Variants in MTAP observed in about 807,000 individuals in gnomAD.
The protein encoded by MTAP is methylthioadenosine phosphorylase, also known as S-methyl-5'-thioadenosine phosphorylase.
In MTAP, 33 loss-of-function variants were observed where a neutral mutation model predicts 33.6. The ratio of observed to expected loss-of-function variants is 0.98; its 90% CI spans 0.74 to 1.31. The LOEUF is 1.31. MTAP is among the 40% of genes most tolerant of loss of function. The pLI is 0.00. For synonymous variants in MTAP, 148 were observed against 125.7 expected, an observed-to-expected ratio of 1.18 and a Z score of -1.19; for missense variants, 367 against 360.0, an observed-to-expected ratio of 1.02 and a Z score of -0.16.
rs184320931 is a variant in MTAP at position 21,846,067 on chromosome 9, G to A, written c.450+8057G>A. 4.7e-4 allele frequency among the ~76,000 whole-genome samples: 71 copies of A among 152,188 alleles called. 1 individual carries two copies. The highest frequency in any genetic ancestry group is 9.1e-4 in the Non-Finnish European group (62 of 68,020). On this transcript the variant is annotated intron_variant, in intron 5 of 7. Coordinates refer to ENST00000644715, the MANE Select transcript of MTAP (RefSeq NM_002451.4). ...CAGGATAATTGGCAAGCCAGATGTA[G>A]AAGAATGAAACTGGATCTTCATCTC...
downstream of MTAP, chr9:21,941,109 C>G (rs976225839): frequency 6.4e-6 from 4 of 622,970 alleles, 1 homozygote; most frequent in Middle Eastern, 8.2e-4. Flanking sequence ...TTAAAATGTA[C>G]CAGTTATGCA....
intron 1 of MTAP, among the ~76,000 whole-genome samples, chr9:21,805,474 A>G (rs1262319364): frequency 6.6e-6 from 1 of 152,232 alleles, no homozygotes; most frequent in Non-Finnish European, 1.5e-5. Flanking sequence ...GTGAAACAGC[A>G]GTAAGATTCC....
At chr9:21,811,269 A>T (rs1308694283) in intron 1 of MTAP, among the ~76,000 whole-genome samples, 2 of 152,180 alleles carry the variant, frequency 1.3e-5, no homozygotes, top group Non-Finnish European at 2.9e-5. Context: ...GGGACAAAGA[A>T]GGGTTGGTAA....
intron 1 of MTAP, among the ~76,000 whole-genome samples, chr9:21,894,413 G>A (rs1818254492): frequency 6.6e-6 from 1 of 151,806 alleles, no homozygotes; most frequent in Non-Finnish European, 1.5e-5. Context: ...GAGCAATAAG[G>A]CAAGTGAAAG....
intron 5 of MTAP, among the ~76,000 whole-genome samples, chr9:21,844,975 G>A (rs1325552718): frequency 6.7e-6 from 1 of 150,294 alleles, no homozygotes; most frequent in Non-Finnish European, 1.5e-5. Flanking sequence ...AGCTTGCAGT[G>A]AGCTGAGATC....
intron 1 of MTAP, among the ~76,000 whole-genome samples, chr9:21,873,116 A>G (rs919203816): frequency 2.6e-5 from 4 of 152,202 alleles, no homozygotes; most frequent in Non-Finnish European, 5.9e-5. Context: ...AATAAAATTG[A>G]AAAAGTACCT....
chr9:21,830,073 A>G (rs1001936852), intron 4 of MTAP, among the ~76,000 whole-genome samples: 6 of 152,212 alleles, frequency 3.9e-5, no homozygotes, highest in Non-Finnish European at 8.8e-5. Context: ...ATGTGCAGTC[A>G]GTCTTTGTGT....
intron 1 of MTAP, among the ~76,000 whole-genome samples, chr9:21,917,624 C>T (rs2131027372): frequency 6.6e-6 from 1 of 152,286 alleles, no homozygotes; most frequent in African/African-American, 2.4e-5. Context: ...GCAAAGGGAA[C>T]ATCTTTACAT....
At chr9:21,844,292 C>A (rs530117217) in intron 5 of MTAP, among the ~76,000 whole-genome samples, 6 of 152,132 alleles carry the variant, frequency 3.9e-5, no homozygotes, top group Non-Finnish European at 8.8e-5. Flanking sequence ...CAGCTGAATT[C>A]TATCAGACAT....
intron 1 of MTAP, among the ~76,000 whole-genome samples, chr9:21,813,574 C>T (rs530519470): frequency 6.6e-6 from 1 of 152,194 alleles, no homozygotes; most frequent in Non-Finnish European, 1.5e-5. Context: ...TGGCTCCAAA[C>T]AAAGCCCAAC....
At chr9:21,856,846 C>T (rs1449087012) in intron 6 of MTAP, among the ~76,000 whole-genome samples, 2 of 152,172 alleles carry the variant, frequency 1.3e-5, no homozygotes, top group Non-Finnish European at 2.9e-5. Flanking sequence ...ATTTGAGTTG[C>T]TCCATTTGCT....
At chr9:21,906,530 G>A (rs554177571) in intron 1 of MTAP, among the ~76,000 whole-genome samples, 2 of 152,104 alleles carry the variant, frequency 1.3e-5, no homozygotes, top group South Asian at 4.1e-4. Flanking sequence ...GGACTGAAGG[G>A]CTGACATAAA....
chr9:21,804,940 C>T (rs927346774), intron 1 of MTAP, among the ~76,000 whole-genome samples: 1 of 152,184 alleles, frequency 6.6e-6, no homozygotes, highest in Admixed American at 6.5e-5. Context: ...TGACCTAATG[C>T]ACAATTAAAA....
At chr9:21,898,113 C>T (rs1332661593) in intron 1 of MTAP, among the ~76,000 whole-genome samples, 1 of 152,060 alleles carries the variant, frequency 6.6e-6, no homozygotes, top group Non-Finnish European at 1.5e-5. Context: ...ACAAACCTGA[C>T]AAAAACAAGA....
intron 6 of MTAP, chr9:21,859,101 C>G: frequency 1.8e-6 from 1 of 545,410 alleles, no homozygotes; most frequent in Non-Finnish European, 3.1e-6. Context: ...TAATCCTATC[C>G]ACGAGGACTC....
chr9:21,923,090 C>T (rs1007874244), intron 1 of MTAP, among the ~76,000 whole-genome samples: 1 of 152,174 alleles, frequency 6.6e-6, no homozygotes, highest in Non-Finnish European at 1.5e-5. Context: ...ACGCAACTTC[C>T]TTCTCTACGT....
At chr9:21,883,960 G>A (rs1174875576) in intron 1 of MTAP, among the ~76,000 whole-genome samples, 2 of 152,128 alleles carry the variant, frequency 1.3e-5, no homozygotes, top group Non-Finnish European at 2.9e-5. Flanking sequence ...TGTCCAGAGG[G>A]CTGTGAAGCT....
At chr9:21,844,905 G>A (rs1036839685) in intron 5 of MTAP, among the ~76,000 whole-genome samples, 35 of 152,122 alleles carry the variant, frequency 2.3e-4, no homozygotes, top group South Asian at 4.1e-4. Flanking sequence ...GGTAGCGGGC[G>A]CCTGTAGTCC....
intron 4 of MTAP, among the ~76,000 whole-genome samples, chr9:21,828,017 G>C (rs1044726021): frequency 6.6e-6 from 1 of 152,170 alleles, no homozygotes; most frequent in Non-Finnish European, 1.5e-5. Flanking sequence ...GCATTTCCCA[G>C]ATCTTTTACT....
Sources: allele counts gnomAD v4.1 joint callset (sites outside exome capture counted in the v4.1 genomes callset), GRCh38; gene constraint gnomAD v4.1.1; transcripts MANE v1.5; gene names NCBI Gene and HGNC (gene_info 2026-07-23, HGNC 2026-07-21).